Variants in AFDN observed in about 807,000 individuals in gnomAD.
AFDN encodes afadin, adherens junction formation factor.
Under a neutral mutation model 216.6 loss-of-function variants are expected in AFDN, and 68 were observed. The ratio of observed to expected loss-of-function variants is 0.31; its 90% CI spans 0.26 to 0.38. AFDN has a LOEUF of 0.38. Ranked by LOEUF, AFDN falls within the 10% of genes least tolerant of loss-of-function variation. The pLI, the probability that AFDN is intolerant of heterozygous loss-of-function variation, is 1.00. For missense variants in AFDN, 2,136 were observed against 2,342.0 expected (o/e 0.91, Z 1.82); for synonymous variants, 868 against 853.7 (o/e 1.02, Z -0.29).
chr6:167,885,605 A>T (rs1197998466), intron 6 of AFDN, among the ~76,000 whole-genome samples: 1 of 152,216 alleles, frequency 6.6e-6, no homozygotes, highest in Non-Finnish European at 1.5e-5. Flanking sequence ...CATTAGTAAC[A>T]TCAGAGATCA....
At chr6:167,884,804 CT>C (rs1029652482) in intron 6 of AFDN, among the ~76,000 whole-genome samples, 2 of 152,166 alleles carry the variant, frequency 1.3e-5, no homozygotes, top group African/African-American at 4.8e-5. Context: ...TCATTCGCCC[CT>C]AACAAAAGAA....
chr6:167,842,781 A>G (rs1433762590), intron 1 of AFDN, among the ~76,000 whole-genome samples: 5 of 152,218 alleles, frequency 3.3e-5, no homozygotes, highest in African/African-American at 4.8e-5. Flanking sequence ...TTGATTTTCA[A>G]TTTTAGATTG....
chr6:167,965,051 A>C (rs1797399336), intron 31 of AFDN: 1 of 1,041,956 alleles, frequency 9.6e-7, no homozygotes. Context: ...CTGGCTCTCT[A>C]ATTTTCTGTC....
intron 30 of AFDN, among the ~76,000 whole-genome samples, chr6:167,959,033 G>A (rs1005261895): frequency 1.3e-5 from 2 of 152,240 alleles, no homozygotes; most frequent in African/African-American, 4.8e-5. Context: ...CGTATATATT[G>A]CAGAATGGAA....
chr6:167,969,227 T>C, intron 33 of AFDN, 29 bp downstream of exon 33: 1 of 1,546,318 alleles, frequency 6.5e-7, no homozygotes, highest in Non-Finnish European at 8.9e-7. Flanking sequence ...GACGAGGAAC[T>C]TCATCTGTAC....
At chr6:167,890,261 A>C (rs1477433318) in intron 7 of AFDN, among the ~76,000 whole-genome samples, 1 of 152,240 alleles carries the variant, frequency 6.6e-6, no homozygotes, top group African/African-American at 2.4e-5. Context: ...TTTTAAAAAC[A>C]GTGTAAAGTT....
In AFDN at chr6:167,946,826, G is replaced by A. The variant is rs775018070; in HGVS notation, c.3478G>A (p.Glu1160Lys). ...TCAGCTGCCTTGGGCAGAATATAGT[G>A]AACCAAAGAAATTGCCTGGTGATGA... ...SPQLPWAEYS[E>K]PKKLPGDDRL... Residue 1160 changes from glutamate to lysine, a missense_variant, in exon 27 of 34, where the codon GAA (glutamate) becomes AAA (lysine). By Grantham distance (56) the Glu-to-Lys change is moderately conservative. Transcript: ENST00000683244. 1 of 1,612,804 alleles carries A rather than the reference G, an allele frequency of 6.2e-7. No individual in the cohort carries two copies. Among genetic ancestry groups the A allele is most frequent in the Non-Finnish European group, 8.5e-7 (1 of 1,179,720 alleles).
chr6:167,918,101 T>C (rs1791331644), intron 20 of AFDN, among the ~76,000 whole-genome samples: 1 of 152,230 alleles, frequency 6.6e-6, no homozygotes, highest in African/African-American at 2.4e-5. Flanking sequence ...GGCGATGTTC[T>C]CTTTTCTTGA....
Position 167,951,798 on chromosome 6 carries a change from G to C in AFDN, c.4444G>C (p.Glu1482Gln). The C allele has an allele frequency of 1.2e-6, 2 of 1,614,134 alleles. No individual in the cohort carries two copies. Among genetic ancestry groups the C allele is most frequent in the Non-Finnish European group, 1.7e-6 (2 of 1,180,034 alleles). Residue 1482 changes from glutamate to glutamine, a missense_variant, in exon 30 of 34, where the codon GAA (glutamate) becomes CAA (glutamine). This residue lies in a region of AFDN where 981 missense variants were observed against 966.0 expected (regional missense o/e 1.02). Coordinates refer to ENST00000683244, the MANE Select transcript of AFDN (RefSeq NM_001386888.1). The surrounding 1 kb of genome is among the most constrained non-coding windows in gnomAD (Gnocchi z 7.1). ...GCCTTCCACACTCCAGCGGCCACAGGAAACAGTCATTCGGGAGCTGCAGCC... is the reference window on the plus strand; with the variant it reads ...GCCTTCCACACTCCAGCGGCCACAGCAAACAGTCATTCGGGAGCTGCAGCC... ...EKPSTLQRPQ[E>Q]TVIRELQPQQ... is the part of the protein sequence containing the mutation.
intron 25 of AFDN, 36 bp downstream of exon 25, chr6:167,943,511 G>A (rs1000954121): frequency 1.3e-6 from 2 of 1,519,166 alleles, no homozygotes; most frequent in Non-Finnish European, 1.8e-6. Flanking sequence ...CATAGTATTA[G>A]CATTTTTAGG....
chr6:167,963,238 G>C (rs906956692), intron 31 of AFDN: 2 of 1,063,396 alleles, frequency 1.9e-6, no homozygotes, highest in Admixed American at 5.3e-5. Context: ...CCTTTGTCCT[G>C]TGTGTGTGGC....
intron 30 of AFDN, among the ~76,000 whole-genome samples, chr6:167,952,932 A>G (rs1416251510): frequency 6.6e-6 from 1 of 152,258 alleles, no homozygotes; most frequent in Non-Finnish European, 1.5e-5. Flanking sequence ...TTTGTTTTAA[A>G]TAAACTAACA....
In AFDN at chr6:167,951,841, C is replaced by G; in HGVS notation, c.4487C>G (p.Thr1496Arg). Residue 1496 changes from threonine to arginine, a missense_variant, in exon 30 of 34, where the codon ACG (threonine) becomes AGG (arginine). By Grantham distance (71) the Thr-to-Arg change is moderately conservative. Transcript: ENST00000683244. This position sits in a 1 kb window ranked among gnomAD's most constrained non-coding sequence, Gnocchi z 7.1. ...RELQPQQQPR[T>R]IERRDLQYIT... Reference sequence around the variant, plus strand: ...CTGCAGCCTCAGCAGCAGCCCCGCACGATCGAGCGCAGAGACTTGCAGTAC... The same window carrying G: ...CTGCAGCCTCAGCAGCAGCCCCGCAGGATCGAGCGCAGAGACTTGCAGTAC... 1.9e-6 allele frequency: 3 copies of G among 1,614,142 alleles called. No individual in the cohort carries two copies. Among genetic ancestry groups the G allele is most frequent in the South Asian group, 2.2e-5 (2 of 91,080 alleles).
chr6:167,968,679 C>T (rs1797792255), intron 32 of AFDN: 1 of 168,220 alleles, frequency 5.9e-6, no homozygotes, highest in African/African-American at 2.4e-5. Context: ...TTGATTGTTA[C>T]TTGGATACAC....
intron 3 of AFDN, among the ~76,000 whole-genome samples, chr6:167,871,149 G>A (rs1002018533): frequency 8.7e-5 from 12 of 138,132 alleles, no homozygotes; most frequent in Admixed American, 2.4e-4. Context: ...AAAGGCTGTC[G>A]TTAATCACTT....
At chr6:167,952,213 G>A (rs1796071169) in intron 30 of AFDN, 26 bp downstream of exon 30, 2 of 1,613,726 alleles carry the variant, frequency 1.2e-6, no homozygotes, top group African/African-American at 2.7e-5. Flanking sequence ...CTTTGGCTGT[G>A]CCCATCTGTG....
intron 23 of AFDN, among the ~76,000 whole-genome samples, chr6:167,935,642 A>G (rs1793902383): frequency 6.6e-6 from 1 of 152,236 alleles, no homozygotes; most frequent in Non-Finnish European, 1.5e-5. Context: ...TGCAGAGAAT[A>G]AATGGACTAA....
chr6:167,883,559 T>G (rs917788246), intron 6 of AFDN, among the ~76,000 whole-genome samples: 1 of 152,206 alleles, frequency 6.6e-6, no homozygotes, highest in African/African-American at 2.4e-5. Flanking sequence ...ACGGTAAATC[T>G]GGCATCGCAG....
chr6:167,907,119 C>A, intron 12 of AFDN, 52 bp from the exon 13 acceptor site: 1 of 1,378,476 alleles, frequency 7.3e-7, no homozygotes. Flanking sequence ...GAGTGTCAAG[C>A]TTGGTTGGTC....
Sources: gnomAD v4.1 joint callset for allele counts (sites outside exome capture counted in the v4.1 genomes callset) on GRCh38, gnomAD v4.1.1 for gene constraint, gnomAD v4.1.1 regional missense constraint, Gnocchi (gnomAD v3.1) non-coding constraint, MANE v1.5 for transcripts, NCBI Gene and HGNC (gene_info 2026-07-23, HGNC 2026-07-21) for gene names.